Variants in UTRN observed in about 807,000 individuals in gnomAD.
UTRN encodes utrophin.
In UTRN, 283 loss-of-function variants were observed where a neutral mutation model predicts 463.9. That is an observed-to-expected ratio of 0.61 (90% CI 0.55 to 0.67). UTRN has a LOEUF of 0.67. UTRN is among the 30% of genes least tolerant of loss of function. UTRN has a pLI of 0.00. For synonymous variants in UTRN, 1,442 were observed against 1,431.5 expected, an observed-to-expected ratio of 1.01 and a Z score of -0.17; for missense variants, 3,922 against 4,084.3, an observed-to-expected ratio of 0.96 and a Z score of 1.08.
At chr6:144,703,398 T>C (rs1384500260) in intron 53 of UTRN, among the ~76,000 whole-genome samples, 1 of 152,100 alleles carries the variant, frequency 6.6e-6, no homozygotes, top group Non-Finnish European at 1.5e-5. Flanking sequence ...AGATCAGGAT[T>C]AGAGATCAAA....
rs202040917 is a variant in UTRN at position 144,561,260 on chromosome 6, T to TACACAC, written c.7289+3952_7289+3953insCACACA. Among the ~76,000 whole-genome samples the TACACAC allele has an allele frequency of 2.9e-4, 21 of 72,832 alleles. No homozygotes were observed. In the East Asian group the frequency reaches 6.8e-3, roughly 24 times the overall value. 47.8% of individuals were successfully genotyped at this position (72,832 alleles called of 152,430 possible). ...ATATATATATATATATATATATATA[T>TACACAC]ACATACACACACACACGTATACACA... On this transcript the variant is annotated intron_variant, in intron 50 of 74. Coordinates refer to ENST00000367545, the MANE Select transcript of UTRN (RefSeq NM_007124.3).
At chr6:144,792,567 G>T (rs1394141116) in intron 62 of UTRN, among the ~76,000 whole-genome samples, 1 of 151,990 alleles carries the variant, frequency 6.6e-6, no homozygotes, top group Admixed American at 6.6e-5. Flanking sequence ...AAGAGAGAGA[G>T]AAAATGATGC....
chr6:144,644,176 G>A (rs1290130768), intron 51 of UTRN, among the ~76,000 whole-genome samples: 1 of 152,096 alleles, frequency 6.6e-6, no homozygotes, highest in Admixed American at 6.5e-5. Flanking sequence ...AGAACTAAAT[G>A]CTTGTTAAGT....
chr6:144,792,611 A>T (rs1005581469), intron 62 of UTRN, among the ~76,000 whole-genome samples: 41 of 152,280 alleles, frequency 2.7e-4, no homozygotes, highest in African/African-American at 9.6e-4. Context: ...GTTTGAAAAT[A>T]GTTTTAGAAT....
chr6:144,479,610 G>A (rs57820372), intron 25 of UTRN, among the ~76,000 whole-genome samples: 6,280 of 152,274 alleles, frequency 0.041, 442 homozygotes, highest in African/African-American at 0.14. Context: ...CAAATGTGGT[G>A]TGGAATCCCA....
chr6:144,661,990 T>A (rs934477776), intron 51 of UTRN, among the ~76,000 whole-genome samples: 1 of 151,440 alleles, frequency 6.6e-6, no homozygotes, highest in African/African-American at 2.4e-5. Context: ...ATTTGGGATT[T>A]TTATTATTAT....
intron 54 of UTRN, among the ~76,000 whole-genome samples, chr6:144,740,952 G>C (rs968943420): frequency 6.6e-6 from 1 of 152,110 alleles, no homozygotes; most frequent in African/African-American, 2.4e-5. Context: ...TCGTTTACAC[G>C]TGTGTATTTT....
At position 144,517,096 on chromosome 6, in the gene UTRN, A is replaced by G. The variant is rs376219696; in HGVS notation, c.5541+148A>G. The G allele has an allele frequency of 1.1e-5, 7 of 643,936 alleles. No individual in the cohort carries two copies. In the East Asian group the frequency reaches 1.8e-4, roughly 16 times the overall value. 39.9% of individuals were successfully genotyped at this position (643,936 alleles called of 1,614,324 possible). On this transcript the variant is annotated intron_variant, in intron 39 of 74. Transcript: ENST00000367545. The stretch of plus-strand genomic sequence containing the variant: ...CTAGTGTGTGTTACTAGATGTGTTC[A>G]TATTTTTGGATGGTGCAGAACTCAA...
chr6:144,677,147 G>A (rs1055090615), intron 51 of UTRN, among the ~76,000 whole-genome samples: 6 of 152,092 alleles, frequency 3.9e-5, no homozygotes, highest in East Asian at 3.8e-4. Context: ...TGTGCTGAAC[G>A]TGCAGGTTTG....
chr6:144,822,212 T>A lies in UTRN; in HGVS notation c.9494+1194T>A, dbSNP rs1424071834. Reference sequence around the variant, plus strand: ...GTCTGCAGACCAAAATAGATTTTTTTAAATCCCTGTAGACCTCAAACTTTG... The same window carrying A: ...GTCTGCAGACCAAAATAGATTTTTTAAAATCCCTGTAGACCTCAAACTTTG... On this transcript the variant is annotated intron_variant, in intron 66 of 74. Coordinates refer to ENST00000367545, the MANE Select transcript of UTRN (RefSeq NM_007124.3). Among the ~76,000 whole-genome samples the A allele has an allele frequency of 2.0e-5, 3 of 152,106 alleles. No homozygotes were observed. In the East Asian group the frequency reaches 5.8e-4, roughly 29 times the overall value.
In UTRN at chr6:144,849,790, A is replaced by G. The variant is rs528099727; in HGVS notation, c.10294-1199A>G. 3.3e-5 allele frequency among the ~76,000 whole-genome samples: 5 copies of G among 152,314 alleles called. No homozygotes were observed. In the East Asian group the frequency reaches 9.7e-4, roughly 29 times the overall value. ...TAGACACATCTCATTCTCAAGGATA[A>G]TGGAGTATATAGGCACAATTCAAAA... On this transcript the variant is annotated intron_variant, in intron 74 of 74. Coordinates refer to ENST00000367545, the MANE Select transcript of UTRN (RefSeq NM_007124.3).
At chr6:144,747,621 T>G (rs572071486) in intron 54 of UTRN, among the ~76,000 whole-genome samples, 73 of 152,326 alleles carry the variant, frequency 4.8e-4, no homozygotes, top group Non-Finnish European at 9.7e-4. Flanking sequence ...GGAAGCCCCC[T>G]TGCTCTATTA....
chr6:144,736,615 C>T (rs73779119), intron 54 of UTRN, among the ~76,000 whole-genome samples: 18,658 of 152,156 alleles, frequency 0.12, 2,698 homozygotes, highest in African/African-American at 0.35. Flanking sequence ...TGGCATTTCT[C>T]CATTAACATA....
At chr6:144,433,501 C>G (rs1216554982) in intron 9 of UTRN, among the ~76,000 whole-genome samples, 3 of 145,512 alleles carry the variant, frequency 2.1e-5, no homozygotes, top group East Asian at 4.2e-4. Flanking sequence ...TCCTCACTTC[C>G]CAGACGGGGT....
At chr6:144,471,314 T>C (rs1024021057) in intron 23 of UTRN, among the ~76,000 whole-genome samples, 2 of 152,240 alleles carry the variant, frequency 1.3e-5, no homozygotes, top group South Asian at 4.1e-4. Flanking sequence ...TCAAAGCCAA[T>C]TGTGGTTAAA....
At position 144,429,702 on chromosome 6, in the gene UTRN, A is replaced by C. The variant is rs1222132860; in HGVS notation, c.816A>C (p.Lys272Asn). Residue 272 changes from lysine to asparagine, a missense_variant, in exon 9 of 75, where the codon AAA becomes AAC. Physicochemically the swap from Lys to Asn is moderately conservative, Grantham distance 94 (BLOSUM62 0). Around this residue, in one of 3 missense-constraint regions of UTRN, gnomAD observed 2,349 missense variants for 2,303.8 expected, o/e 1.02. Coordinates refer to ENST00000367545, the MANE Select transcript of UTRN (RefSeq NM_007124.3). Reference protein sequence around the residue: ...AIREVETLPRKYKKECEEEAI... With the variant: ...AIREVETLPRNYKKECEEEAI... ...GTGAGGTAGAGACACTCCCAAGGAAATATAAAAAAGAATGTGAAGAAGAGG... is the reference window on the plus strand; with the variant it reads ...GTGAGGTAGAGACACTCCCAAGGAACTATAAAAAAGAATGTGAAGAAGAGG... 6.2e-7 allele frequency: 1 copy of C among 1,612,244 alleles called. No individual in the cohort carries two copies. The highest frequency in any genetic ancestry group is 1.3e-5 in the African/African-American group (1 of 74,830).
intron 45 of UTRN, among the ~76,000 whole-genome samples, chr6:144,540,952 A>G (rs1397630969): frequency 6.6e-6 from 1 of 152,204 alleles, no homozygotes; most frequent in Non-Finnish European, 1.5e-5. Flanking sequence ...TAGGTCAAAA[A>G]ATATCATACA....
chr6:144,769,317 G>GT (rs558150961), intron 58 of UTRN, among the ~76,000 whole-genome samples: 30 of 151,910 alleles, frequency 2.0e-4, no homozygotes, highest in South Asian at 1.7e-3. Context: ...TGCATTGCCT[G>GT]TTTTTTTTAT....
At chr6:144,496,052 C>T (rs1368164568) in intron 33 of UTRN, among the ~76,000 whole-genome samples, 1 of 152,106 alleles carries the variant, frequency 6.6e-6, no homozygotes, top group Non-Finnish European at 1.5e-5. Context: ...AGAAATATCT[C>T]TAATTTGGGC....
Sources: gnomAD v4.1 joint callset for allele counts (sites outside exome capture counted in the v4.1 genomes callset) on GRCh38, gnomAD v4.1.1 for gene constraint, gnomAD v4.1.1 regional missense constraint, MANE v1.5 for transcripts, NCBI Gene and HGNC (gene_info 2026-07-23, HGNC 2026-07-21) for gene names.